Variants in FOCAD observed in about 807,000 individuals in gnomAD.
The protein encoded by FOCAD is focadhesin, also known as KIAA1797.
A neutral mutation model predicts 225.6 loss-of-function variants in FOCAD; 198 were observed. That is an observed-to-expected ratio of 0.88 (90% CI 0.78 to 0.99). FOCAD has a LOEUF of 0.99. Ranked by LOEUF, FOCAD falls within the 50% of genes least tolerant of loss-of-function variation. FOCAD has a pLI of 0.00. For synonymous variants in FOCAD, 897 were observed against 755.0 expected, an observed-to-expected ratio of 1.19 and a Z score of -3.08; for missense variants, 2,713 against 2,123.6, an observed-to-expected ratio of 1.28 and a Z score of -5.46.
intron 11 of FOCAD, among the ~76,000 whole-genome samples, chr9:20,817,892 G>A (rs1187282779): frequency 6.6e-6 from 1 of 152,076 alleles, no homozygotes; most frequent in African/African-American, 2.4e-5. Flanking sequence ...TTTTTCTTAA[G>A]TAGATAACTA....
At chr9:20,993,731 G>A (rs1841856205) in intron 43 of FOCAD, among the ~76,000 whole-genome samples, 1 of 152,088 alleles carries the variant, frequency 6.6e-6, no homozygotes, top group Admixed American at 6.6e-5. Context: ...TTTAGATTAG[G>A]GATGCTCAGC....
intron 15 of FOCAD, among the ~76,000 whole-genome samples, chr9:20,835,988 T>C (rs1334193165): frequency 6.6e-6 from 1 of 152,082 alleles, no homozygotes; most frequent in African/African-American, 2.4e-5. Flanking sequence ...TCCCCGGAAA[T>C]ACCCTGTGCC....
chr9:20,888,493 C>G (rs1402810662), intron 21 of FOCAD, among the ~76,000 whole-genome samples: 6 of 152,132 alleles, frequency 3.9e-5, no homozygotes, highest in Admixed American at 6.6e-5. Context: ...AGAATTTCAA[C>G]TTACCAAATT....
intron 19 of FOCAD, 106 bp downstream of exon 19, chr9:20,874,913 T>C: frequency 7.2e-7 from 1 of 1,393,960 alleles, no homozygotes; most frequent in Non-Finnish European, 1.0e-6. Context: ...CTTATGTGCT[T>C]ATTTTTTAAC....
At chr9:20,757,047 A>G (rs1297493551) in intron 5 of FOCAD, among the ~76,000 whole-genome samples, 1 of 152,130 alleles carries the variant, frequency 6.6e-6, no homozygotes, top group African/African-American at 2.4e-5. Context: ...CACCTTCCTC[A>G]GCCTCCTGAG....
chr9:20,793,325 C>A (rs1298485440), intron 11 of FOCAD, among the ~76,000 whole-genome samples: 3 of 152,174 alleles, frequency 2.0e-5, no homozygotes, highest in Admixed American at 6.5e-5. Flanking sequence ...CTTTGTAAAC[C>A]TTACATATAT....
At chr9:20,756,694 T>A (rs1028505452) in intron 5 of FOCAD, among the ~76,000 whole-genome samples, 3 of 152,186 alleles carry the variant, frequency 2.0e-5, no homozygotes, top group African/African-American at 7.2e-5. Flanking sequence ...CTTGAGAATT[T>A]GCATTTCTAA....
At chr9:20,798,180 C>T (rs1276301590) in intron 11 of FOCAD, among the ~76,000 whole-genome samples, 3 of 152,202 alleles carry the variant, frequency 2.0e-5, no homozygotes, top group African/African-American at 7.2e-5. Context: ...ACCAGCCTTG[C>T]ATCCTAGGGA....
chr9:20,994,349 C>T (rs1198217373), intron 43 of FOCAD, among the ~76,000 whole-genome samples: 5 of 152,204 alleles, frequency 3.3e-5, no homozygotes, highest in Non-Finnish European at 7.3e-5. Context: ...ACTACAACAG[C>T]TTGTTCTTGT....
At chr9:20,717,961 G>C in intron 3 of FOCAD, 93 bp downstream of exon 3, 1 of 927,452 alleles carries the variant, frequency 1.1e-6, no homozygotes, top group Non-Finnish European at 1.7e-6. Context: ...TGATAGTTCA[G>C]ATCACAGTAG....
chr9:20,810,674 A>G (rs1173886463), intron 11 of FOCAD, among the ~76,000 whole-genome samples: 1 of 152,016 alleles, frequency 6.6e-6, no homozygotes, highest in East Asian at 1.9e-4. Flanking sequence ...CCATTACATC[A>G]TGATTTAAGT....
intron 1 of FOCAD, among the ~76,000 whole-genome samples, chr9:20,687,295 A>G (rs1822726312): frequency 6.6e-6 from 1 of 152,214 alleles, no homozygotes; most frequent in African/African-American, 2.4e-5. Context: ...GCATCCACTG[A>G]AGCTCCTAAA....
chr9:20,772,394 A>G (rs1201515982), intron 8 of FOCAD, among the ~76,000 whole-genome samples: 2 of 152,198 alleles, frequency 1.3e-5, no homozygotes, highest in African/African-American at 4.8e-5. Flanking sequence ...GGACTGGGTG[A>G]CAGGGCTTGT....
chr9:20,917,090 A>T (rs1833937770), intron 24 of FOCAD, among the ~76,000 whole-genome samples, 153 bp downstream of exon 24: 1 of 152,154 alleles, frequency 6.6e-6, no homozygotes. Flanking sequence ...TACCCTTCTT[A>T]TAGTAGGTGA....
At chr9:20,757,595 C>T (rs929501074) in intron 5 of FOCAD, among the ~76,000 whole-genome samples, 3 of 151,988 alleles carry the variant, frequency 2.0e-5, no homozygotes, top group Non-Finnish European at 4.4e-5. Flanking sequence ...GCTGGGGAAG[C>T]GCAGAACCAT....
intron 35 of FOCAD, among the ~76,000 whole-genome samples, chr9:20,972,331 T>A (rs187962733): frequency 3.9e-5 from 6 of 152,150 alleles, no homozygotes; most frequent in Non-Finnish European, 8.8e-5. Context: ...AACAAATAGG[T>A]TCTAATAGGT....
Position 20,819,842 on chromosome 9 carries a change from T to G in FOCAD, c.1502T>G (p.Leu501Arg), listed in dbSNP as rs1297008683. 3 of 1,545,874 alleles carry G rather than the reference T, an allele frequency of 1.9e-6. No homozygotes were observed. The highest frequency in any genetic ancestry group is 1.7e-6 in the Non-Finnish European group (2 of 1,148,680). Residue 501 changes from leucine to arginine, a missense_variant, in exon 12 of 44, where the codon CTG becomes CGG. By Grantham distance (102) the Leu-to-Arg change is moderately radical. Coordinates refer to ENST00000338382, the MANE Select transcript of FOCAD (RefSeq NM_001375567.1). Reference protein sequence around the residue: ...PVLMFKLGRPLEPILYNDILY... With the variant: ...PVLMFKLGRPREPILYNDILY... ...TTGATGTTCAAATTGGGAAGACCAC[T>G]GGAACCTATATTATATAATGATATA...
chr9:20,867,051 G>T, intron 18 of FOCAD, 39 bp downstream of exon 18: 1 of 1,386,858 alleles, frequency 7.2e-7, no homozygotes, highest in Non-Finnish European at 1.0e-6. Context: ...TTCTTAATTT[G>T]CTAGGGTTTA....
intron 10 of FOCAD, among the ~76,000 whole-genome samples, chr9:20,788,783 T>G (rs928776339): frequency 6.6e-6 from 1 of 152,246 alleles, no homozygotes; most frequent in Non-Finnish European, 1.5e-5. Context: ...TAATATAATC[T>G]CTGGGTATTG....
Sources: allele counts gnomAD v4.1 joint callset (sites outside exome capture counted in the v4.1 genomes callset), GRCh38; gene constraint gnomAD v4.1.1; transcripts MANE v1.5; gene names NCBI Gene and HGNC (gene_info 2026-07-23, HGNC 2026-07-21).